SYTL2: variants seen among roughly 807,000 people sequenced by gnomAD.
SYTL2 encodes the protein synaptotagmin like 2.
In SYTL2, 165 loss-of-function variants were observed where a neutral mutation model predicts 198.7. The ratio of observed to expected loss-of-function variants is 0.83; its 90% CI spans 0.73 to 0.94. SYTL2 has a LOEUF of 0.94. Ranked by LOEUF, SYTL2 falls within the 40% of genes least tolerant of loss-of-function variation. SYTL2 has a pLI of 0.00. For synonymous variants in SYTL2, 966 were observed against 917.7 expected, an observed-to-expected ratio of 1.05 and a Z score of -0.95; for missense variants, 2,835 against 2,582.8, an observed-to-expected ratio of 1.10 and a Z score of -2.12.
chr11:85,710,736 T>A (rs1040176862), intron 13 of SYTL2, among the ~76,000 whole-genome samples: 2 of 152,206 alleles, frequency 1.3e-5, no homozygotes, highest in African/African-American at 4.8e-5. Flanking sequence ...TCAGGATTAC[T>A]AAAAGAGAGG....
chr11:85,726,791 CG>C lies in SYTL2; in HGVS notation c.2566del (p.Arg856GlufsTer4). 6.5e-7 allele frequency: 1 copy of C among 1,536,092 alleles called. No homozygotes were observed. On this transcript the variant is annotated frameshift_variant, in exon 8 of 20. Coordinates refer to ENST00000359152, the MANE Select transcript of SYTL2 (RefSeq NM_206927.4). LOFTEE classifies it high-confidence loss of function. Reference sequence around the variant, plus strand: ...TTGATCATCCTCATCTAAGACCACTCGTTTGGGAATGGCCTGATTATATTCA... The same window carrying C: ...TTGATCATCCTCATCTAAGACCACTCTTTGGGAATGGCCTGATTATATTCA... The part of the protein sequence containing the change: ...QSEYNQAIPK[R>X]VVLDEDDQAS...
At chr11:85,836,681 T>C in the SYTL2 span, among the ~76,000 whole-genome samples, 1 of 150,236 alleles carries the variant, frequency 6.7e-6, no homozygotes, top group Admixed American at 6.6e-5. Context: ...AAAAAATAAT[T>C]ACTTAGTAAT....
upstream of SYTL2, chr11:85,811,245 C>G (rs2093028972): frequency 6.6e-6 from 1 of 151,872 alleles, no homozygotes; most frequent in Non-Finnish European, 1.5e-5. Context: ...GCGCTTCGCC[C>G]GCTCCCCGCC....
At chr11:85,763,715 A>T (rs986546681) in intron 1 of SYTL2, among the ~76,000 whole-genome samples, 10 of 152,124 alleles carry the variant, frequency 6.6e-5, no homozygotes, top group African/African-American at 2.2e-4. Context: ...AAAAAAAAAA[A>T]TCCAGGCAGC....
chr11:85,743,671 C>G (rs2090957102), intron 4 of SYTL2, among the ~76,000 whole-genome samples: 1 of 152,098 alleles, frequency 6.6e-6, no homozygotes, highest in Admixed American at 6.5e-5. Context: ...TGTTATTAGC[C>G]TCAAGTTGAG....
intron 10 of SYTL2, 137 bp from the exon 11 acceptor site, chr11:85,717,667 C>G: frequency 1.3e-6 from 1 of 754,690 alleles, no homozygotes; most frequent in Non-Finnish European, 2.4e-6. Context: ...TGCTTTCATC[C>G]ATTCCTCACT....
intron 2 of SYTL2, among the ~76,000 whole-genome samples, chr11:85,752,434 A>G (rs891519392): frequency 5.9e-5 from 9 of 152,154 alleles, no homozygotes; most frequent in African/African-American, 2.2e-4. Context: ...CTCCCAGCCA[A>G]CACACTTTCT....
At chr11:85,754,444 G>A (rs1325773774) in intron 2 of SYTL2, among the ~76,000 whole-genome samples, 1 of 152,098 alleles carries the variant, frequency 6.6e-6, no homozygotes, top group African/African-American at 2.4e-5. Flanking sequence ...AGGTAGAGTG[G>A]TGAATAAAGG....
chr11:85,822,707 T>A, the SYTL2 span, among the ~76,000 whole-genome samples: 1 of 152,124 alleles, frequency 6.6e-6, no homozygotes, highest in Non-Finnish European at 1.5e-5. Context: ...CAAGAAGGAA[T>A]CCCAAGGAAA....
rs759333629 is a variant in SYTL2, at chr11:85,724,264, A to C, written c.5094T>G (p.Leu1698=). The change falls in exon 8 of 20, where the codon CTT becomes CTG. Residue 1698 remains leucine (L), a synonymous_variant. Transcript: ENST00000359152. The part of the protein sequence containing the change: ...ESGVAGGQGT[L]QEPGFGEASE... ...AAGCCTCTCCAAAGCCAGGTTCCTG[A>C]AGAGTCCCTTGTCCCCCTGCAACCC... 1 of 1,566,650 alleles carries C rather than the reference A, an allele frequency of 6.4e-7. No homozygotes were observed. The highest frequency in any genetic ancestry group is 2.2e-5 in the East Asian group (1 of 44,716).
chr11:85,810,795 A>G (rs1404639060), intron 1 of SYTL2, among the ~76,000 whole-genome samples, 159 bp downstream of exon 1: 1 of 152,144 alleles, frequency 6.6e-6, no homozygotes, highest in East Asian at 1.9e-4. Context: ...CCGTGCCAAA[A>G]CGCAGTTCCC....
intron 9 of SYTL2, chr11:85,719,096 G>A: frequency 6.7e-6 from 10 of 1,490,336 alleles, no homozygotes; most frequent in Non-Finnish European, 8.9e-6. Flanking sequence ...GGGTTAGAGG[G>A]TTAGTTCAGA....
At chr11:85,837,316 TAAG>T in the SYTL2 span, among the ~76,000 whole-genome samples, 2 of 152,120 alleles carry the variant, frequency 1.3e-5, no homozygotes, top group African/African-American at 2.4e-5. Context: ...GCTATCTTCA[TAAG>T]AAGAGGAAGA....
At chr11:85,705,132 ATC>A (rs1433597802) in intron 15 of SYTL2, 104 bp from the exon 16 acceptor site, 1 of 833,296 alleles carries the variant, frequency 1.2e-6, no homozygotes, top group East Asian at 2.7e-5. Context: ...AAATTTTCTT[ATC>A]TGTTAGGTTT....
In SYTL2 at chr11:85,750,768, C is replaced by A. The variant is rs139317905; in HGVS notation, c.102-2345G>T. On this transcript the variant is annotated intron_variant, in intron 2 of 19. Coordinates refer to ENST00000359152, the MANE Select transcript of SYTL2 (RefSeq NM_206927.4). The stretch of plus-strand genomic sequence containing the variant: ...CCTGTCACTGCTGTGATTAAGTGAA[C>A]CTCAGACCCCATCACAATGAATGGT... Among the ~76,000 whole-genome samples the A allele has an allele frequency of 2.2e-3, 211 of 96,874 alleles. 1 individual carries two copies. The highest frequency in any genetic ancestry group is 9.5e-3 in the African/African-American group (198 of 20,828). 63.6% of individuals were successfully genotyped at this position (96,874 alleles called of 152,430 possible).
chr11:85,807,088 C>G (rs1198357694), intron 1 of SYTL2, among the ~76,000 whole-genome samples: 1 of 152,246 alleles, frequency 6.6e-6, no homozygotes, highest in Non-Finnish European at 1.5e-5. Flanking sequence ...TCTTAGCAAG[C>G]CTCTGCCTTG....
At position 85,704,936 on chromosome 11, in the gene SYTL2, C is replaced by T. The variant is rs749945236; in HGVS notation, c.6111G>A (p.Glu2037=). The T allele has an allele frequency of 1.4e-5, 22 of 1,613,532 alleles. No homozygotes were observed. The African/African-American group carries it at 2.0e-4, about 15-fold the overall frequency. ...DTFKRNSFLG[E]VELDLETWDW... is the part of the protein sequence containing the mutation. ...CCCATGTTTCCAAATCAAGTTCCAC[C>T]TCCCCTAGGAAACTATTGCGCTTAA... is the stretch of plus-strand genomic sequence containing the variant. The change falls in exon 16 of 20, where the codon GAG becomes GAA. Residue 2037 remains glutamate (E), a synonymous_variant. Transcript: ENST00000359152.
At position 85,724,991 on chromosome 11, in the gene SYTL2, GGA is replaced by G; in HGVS notation, c.4365_4366del (p.Pro1456IlefsTer6). 6.2e-7 allele frequency: 1 copy of G among 1,613,952 alleles called. No homozygotes were observed. Among genetic ancestry groups the G allele is most frequent in the Non-Finnish European group, 8.5e-7 (1 of 1,179,934 alleles). On this transcript the variant is annotated frameshift_variant, in exon 8 of 20. Transcript: ENST00000359152. LOFTEE classifies it high-confidence loss of function. ...AAATGAGCTAAGCGTCTGGTCTGAT[GGA>G]GACATTTGGGCAGCTAAATAAGATC...
chr11:85,710,662 A>T (rs889033954), intron 13 of SYTL2, among the ~76,000 whole-genome samples: 2 of 152,222 alleles, frequency 1.3e-5, no homozygotes, highest in African/African-American at 4.8e-5. Flanking sequence ...TGCTGCTCAG[A>T]TGCCTTCTAA....
Sources: allele counts gnomAD v4.1 joint callset (sites outside exome capture counted in the v4.1 genomes callset), GRCh38; gene constraint gnomAD v4.1.1; transcripts MANE v1.5; gene names NCBI Gene and HGNC (gene_info 2026-07-23, HGNC 2026-07-21).